ADAM8: variants seen among roughly 807,000 people sequenced by gnomAD.
ADAM8 encodes the protein ADAM metallopeptidase domain 8.
A neutral mutation model predicts 102.4 loss-of-function variants in ADAM8; 104 were observed. That is an observed-to-expected ratio of 1.02 (90% CI 0.87 to 1.20). The LOEUF is 1.20. Ranked by LOEUF, ADAM8 falls within the 50% of genes most tolerant of loss-of-function variation. ADAM8 has a pLI of 0.00. For missense variants in ADAM8, 1,132 were observed against 1,159.0 expected, an observed-to-expected ratio of 0.98 and a Z score of 0.34; for synonymous variants, 517 against 485.2, an observed-to-expected ratio of 1.07 and a Z score of -0.86.
Position 133,270,383 on chromosome 10 carries a change from C to G in ADAM8, c.1762G>C (p.Gly588Arg), listed in dbSNP as rs776504573. ...DGTAYEPVPE[G>R]TRCGPEKVCW... ...ACCTTCTCTGGTCCACACCGGGTGC[C>G]CTCGGGCACTGGTTCATACGCAGTG... The change falls in exon 16 of 23, where the codon GGC (glycine) becomes CGC (arginine). Residue 588 changes from glycine (G) to arginine (R), a missense_variant. Transcript: ENST00000445355. The G allele has an allele frequency of 8.8e-6, 14 of 1,589,408 alleles. No homozygotes were observed. Among genetic ancestry groups the G allele is most frequent in the Non-Finnish European group, 1.1e-5 (13 of 1,161,236 alleles).
At chr10:133,273,505 G>T (rs1846629490) in intron 5 of ADAM8, 62 bp from the exon 6 acceptor site, 1 of 1,466,840 alleles carries the variant, frequency 6.8e-7, no homozygotes, top group South Asian at 1.4e-5. Flanking sequence ...TGCCCCGAAG[G>T]ACCAGAGGCT....
At chr10:133,268,967 C>T in intron 18 of ADAM8, 105 bp from the exon 19 acceptor site, 1 of 1,504,858 alleles carries the variant, frequency 6.6e-7, no homozygotes, top group East Asian at 2.5e-5. Context: ...CAGGCTGTGC[C>T]CTGTGGACCC....
At position 133,269,530 on chromosome 10, in the gene ADAM8, C is replaced by G; in HGVS notation, c.1864-1G>C. On this transcript the variant is annotated splice_acceptor_variant, in intron 17 of 22. Transcript: ENST00000445355. LOFTEE classifies it high-confidence loss of function. The stretch of plus-strand genomic sequence containing the variant: ...GGCACTCCTGCTTGTGGTTGCACAC[C>G]TGCGGGGACGGCTGGGCTCAGGGCC... 1 of 1,593,800 alleles carries G rather than the reference C, an allele frequency of 6.3e-7. No individual in the cohort carries two copies. The highest frequency in any genetic ancestry group is 8.5e-7 in the Non-Finnish European group (1 of 1,175,974).
intron 21 of ADAM8, among the ~76,000 whole-genome samples, chr10:133,267,082 G>A (rs1325447170): frequency 6.6e-6 from 1 of 152,172 alleles, no homozygotes; most frequent in Non-Finnish European, 1.5e-5. Context: ...GGAGGGGCTT[G>A]GTGGGCGGAG....
rs997159157 is a variant in ADAM8, at chr10:133,273,322, C to G, written c.505G>C (p.Val169Leu). Residue 169 changes from valine (V) to leucine (L), a missense_variant, in exon 6 of 23, where the codon GTC (valine) becomes CTC (leucine). Physicochemically the swap from Val to Leu is conservative, Grantham distance 32. Transcript: ENST00000445355. ...AGGCTGCCCAGGCTGTCGTCGCTGA[C>G]CCCGCAGGTCCCGGCCGTCTGCAGC... is the stretch of plus-strand genomic sequence containing the variant. ...HLLQTAGTCG[V>L]SDDSLGSLLG... 1 of 1,580,502 alleles carries G rather than the reference C, an allele frequency of 6.3e-7. No homozygotes were observed. Among genetic ancestry groups the G allele is most frequent in the South Asian group, 1.1e-5 (1 of 87,094 alleles).
Position 133,269,503 on chromosome 10 carries a change from G to T in ADAM8, c.1890C>A (p.His630Gln). Residue 630 changes from histidine to glutamine, a missense_variant, in exon 18 of 23, where the codon CAC becomes CAA. Coordinates refer to ENST00000445355, the MANE Select transcript of ADAM8 (RefSeq NM_001109.5). ...GGGGCGGGGCCCAGCCCGCGTGGCAGTGGCACTCCTGCTTGTGGTTGCACA... is the reference window on the plus strand; with the variant it reads ...GGGGCGGGGCCCAGCCCGCGTGGCATTGGCACTCCTGCTTGTGGTTGCACA... ...HGVCNHKQEC[H>Q]CHAGWAPPHC... 6.3e-7 allele frequency: 1 copy of T among 1,599,230 alleles called. No individual in the cohort carries two copies.
At chr10:133,273,147 C>T in intron 6 of ADAM8, 107 bp downstream of exon 6, 1 of 1,582,368 alleles carries the variant, frequency 6.3e-7, no homozygotes, top group Non-Finnish European at 8.6e-7. Context: ...CTGCTCCAGG[C>T]TGCAGACAAT....
chr10:133,273,717 T>C (rs1846635366), intron 5 of ADAM8, 45 bp downstream of exon 5: 1 of 1,536,382 alleles, frequency 6.5e-7, no homozygotes, highest in Admixed American at 2.0e-5. Context: ...GCTTAGGCCT[T>C]CCTCTCCACC....
rs997159157 is a variant in ADAM8, at chr10:133,273,322, C to T, written c.505G>A (p.Val169Ile). 2.7e-5 allele frequency: 43 copies of T among 1,580,384 alleles called. No individual in the cohort carries two copies. Among genetic ancestry groups the T allele is most frequent in the Non-Finnish European group, 3.6e-5 (42 of 1,164,490 alleles). ...AGGCTGCCCAGGCTGTCGTCGCTGA[C>T]CCCGCAGGTCCCGGCCGTCTGCAGC... ...HLLQTAGTCGVSDDSLGSLLG... is the reference protein window; with the variant it reads ...HLLQTAGTCGISDDSLGSLLG... The change falls in exon 6 of 23, where the codon GTC (valine) becomes ATC (isoleucine). Residue 169 changes from valine (V) to isoleucine (I), a missense_variant. Transcript: ENST00000445355.
rs539019756 is a variant in ADAM8 at position 133,271,623 on chromosome 10, C to T, written c.1189G>A (p.Ala397Thr). ...FLERPQSVCL[A>T]NAPDLSHLVG... ...AGGTGGCTGAGGTCAGGGGCGTTGG[C>T]GAGGCACACCGACTGCGGCCGCTCC... Residue 397 changes from alanine (A) to threonine (T), a missense_variant, in exon 12 of 23, where the codon GCC becomes ACC. By Grantham distance (58) the Ala-to-Thr change is moderately conservative. Transcript: ENST00000445355. 1.9e-5 allele frequency: 30 copies of T among 1,555,274 alleles called. No homozygotes were observed. The highest frequency in any genetic ancestry group is 1.7e-4 in the Middle Eastern group (1 of 5,978).
chr10:133,271,105 G>A (rs1257664171), intron 13 of ADAM8, 35 bp from the exon 14 acceptor site: 3 of 1,597,398 alleles, frequency 1.9e-6, no homozygotes, highest in African/African-American at 2.7e-5. Context: ...CATGGGGACA[G>A]GTCCACGCAA....
rs907178293 is a variant in ADAM8, at chr10:133,269,492, C to T, written c.1901G>A (p.Gly634Asp). 1.3e-6 allele frequency: 2 copies of T among 1,599,244 alleles called. No individual in the cohort carries two copies. Among genetic ancestry groups the T allele is most frequent in the East Asian group, 2.2e-5 (1 of 44,704 alleles). Residue 634 changes from glycine to aspartate, a missense_variant, in exon 18 of 23, where the codon GGC (glycine) becomes GAC (aspartate). Coordinates refer to ENST00000445355, the MANE Select transcript of ADAM8 (RefSeq NM_001109.5). ...CTTCGCGCAGTGGGGCGGGGCCCAG[C>T]CCGCGTGGCAGTGGCACTCCTGCTT... ...NHKQECHCHA[G>D]WAPPHCAKLL...
At chr10:133,266,126 C>G (rs911986928) in intron 21 of ADAM8, among the ~76,000 whole-genome samples, 2 of 152,058 alleles carry the variant, frequency 1.3e-5, no homozygotes, top group East Asian at 3.9e-4. Context: ...CAAGGAAAGA[C>G]GGGACAAACC....
At chr10:133,265,771 C>A (rs1846306831) in intron 21 of ADAM8, among the ~76,000 whole-genome samples, 1 of 151,666 alleles carries the variant, frequency 6.6e-6, no homozygotes, top group Non-Finnish European at 1.5e-5. Context: ...GCACTCCAGC[C>A]TGGGCGACAG....
intron 20 of ADAM8, 69 bp downstream of exon 20, chr10:133,267,860 A>G: frequency 8.1e-7 from 1 of 1,234,054 alleles, no homozygotes; most frequent in South Asian, 3.3e-5. Flanking sequence ...CTCGGGCTGC[A>G]CTTGGGGTCG....
chr10:133,274,946 C>T, intron 2 of ADAM8: 1 of 412,714 alleles, frequency 2.4e-6, no homozygotes, highest in Non-Finnish European at 4.9e-6. Context: ...AGTAGGTTCC[C>T]CGGATGCTGA....
At chr10:133,276,623 A>G (rs1474096342) in intron 1 of ADAM8, 149 bp downstream of exon 1, 1 of 1,209,890 alleles carries the variant, frequency 8.3e-7, no homozygotes, top group Non-Finnish European at 1.1e-6. Flanking sequence ...ACCACTGTGC[A>G]CCTGATGGCC....
intron 21 of ADAM8, among the ~76,000 whole-genome samples, chr10:133,265,081 C>A (rs1846284107): frequency 6.9e-6 from 1 of 145,936 alleles, no homozygotes; most frequent in Non-Finnish European, 1.5e-5. Context: ...CCTGCTGCAG[C>A]CTCTGCCCCA....
intron 15 of ADAM8, 86 bp from the exon 16 acceptor site, chr10:133,270,596 C>G: frequency 6.5e-7 from 1 of 1,546,562 alleles, no homozygotes; most frequent in African/African-American, 1.4e-5. Context: ...CTCCCTCCCA[C>G]AACACGGTGC....
Sources: gnomAD v4.1 joint callset for allele counts (sites outside exome capture counted in the v4.1 genomes callset) on GRCh38, gnomAD v4.1.1 for gene constraint, MANE v1.5 for transcripts, NCBI Gene and HGNC (gene_info 2026-07-23, HGNC 2026-07-21) for gene names.